The following ANK2 variants were observed in gnomAD, a reference collection of about 807,000 sequenced individuals.
ANK2 encodes the protein ankyrin-2.
ANK2 carries 83 observed loss-of-function variants against 360.5 expected under a neutral mutation model. That is an observed-to-expected ratio of 0.23 (90% CI 0.19 to 0.28). The LOEUF (loss-of-function observed/expected upper bound fraction) is 0.28. Among genes scored for constraint, ANK2 ranks in the 10% least tolerant of loss-of-function variants. The pLI, the probability that ANK2 is intolerant of heterozygous loss-of-function variation, is 1.00. For missense variants in ANK2, 4,201 were observed against 4,795.7 expected (o/e 0.88, Z 3.66); for synonymous variants, 1,740 against 1,759.5 (o/e 0.99, Z 0.28).
At chr4:112,729,584 T>TA in the ANK2 span, among the ~76,000 whole-genome samples, 1 of 151,542 alleles carries the variant, frequency 6.6e-6, no homozygotes, top group African/African-American at 2.4e-5. Flanking sequence ...CTGTCTCTAC[T>TA]AAAAAATACA....
chr4:113,182,491 G>C (rs971593461), intron 2 of ANK2, among the ~76,000 whole-genome samples: 1 of 152,188 alleles, frequency 6.6e-6, no homozygotes, highest in Non-Finnish European at 1.5e-5. Context: ...AGGTTCAGGG[G>C]CTTGGCCCTG....
intron 5 of ANK2, among the ~76,000 whole-genome samples, 178 bp downstream of exon 5, chr4:113,232,437 C>A (rs1002171983): frequency 6.6e-6 from 1 of 152,216 alleles, no homozygotes; most frequent in African/African-American, 2.4e-5. Context: ...AGAGTTCCAT[C>A]AGTTTATGCC....
At chr4:113,290,504 G>C (rs1267940214) in intron 20 of ANK2, among the ~76,000 whole-genome samples, 1 of 152,046 alleles carries the variant, frequency 6.6e-6, no homozygotes, top group African/African-American at 2.4e-5. Flanking sequence ...ATGAAACCCT[G>C]TTATAGCAAC....
intron 4 of ANK2, among the ~76,000 whole-genome samples, chr4:113,202,649 C>A (rs759047568): frequency 6.6e-6 from 1 of 152,140 alleles, no homozygotes. Flanking sequence ...TCTGAAAAAA[C>A]CTTCAAGGAA....
the ANK2 span, among the ~76,000 whole-genome samples, chr4:112,739,375 G>T: frequency 1.0e-3 from 159 of 152,266 alleles, 2 homozygotes; most frequent in South Asian, 3.1e-3. Flanking sequence ...TCAGCACTTT[G>T]GGAGGCTGAG....
At chr4:113,086,986 T>C (rs2085147709) in intron 1 of ANK2, among the ~76,000 whole-genome samples, 1 of 152,098 alleles carries the variant, frequency 6.6e-6, no homozygotes, top group South Asian at 2.1e-4. Flanking sequence ...AGGTATTATG[T>C]TGGGTGATAG....
intron 2 of ANK2, among the ~76,000 whole-genome samples, chr4:112,930,490 G>A (rs2093086232): frequency 1.3e-5 from 2 of 151,482 alleles, no homozygotes; most frequent in South Asian, 4.2e-4. Context: ...GTGTTGTTGA[G>A]GAGTGCTACC....
chr4:113,031,782 A>G (rs1389452601), intron 2 of ANK2, among the ~76,000 whole-genome samples: 1 of 152,056 alleles, frequency 6.6e-6, no homozygotes, highest in African/African-American at 2.4e-5. Context: ...CCTATTATTT[A>G]GTAAATGGAG....
intron 18 of ANK2, 148 bp from the exon 19 acceptor site, chr4:113,287,457 C>A: frequency 1.4e-6 from 1 of 698,562 alleles, no homozygotes; most frequent in South Asian, 1.5e-5. Flanking sequence ...GAGAGTTTGC[C>A]TTGAATATCA....
intron 1 of ANK2, among the ~76,000 whole-genome samples, chr4:113,171,154 G>C (rs901835582): frequency 7.9e-5 from 12 of 152,066 alleles, no homozygotes; most frequent in African/African-American, 2.9e-4. Flanking sequence ...ACTTATACTT[G>C]ATTTTAGAAC....
At chr4:113,131,459 T>C (rs2096028493) in intron 1 of ANK2, among the ~76,000 whole-genome samples, 1 of 152,240 alleles carries the variant, frequency 6.6e-6, no homozygotes. Context: ...ATTTAGGGTC[T>C]ACTCCTTGTT....
chr4:113,110,905 T>C (rs2094219604), intron 1 of ANK2, among the ~76,000 whole-genome samples: 1 of 152,318 alleles, frequency 6.6e-6, no homozygotes, highest in East Asian at 1.9e-4. Flanking sequence ...TGATCTATAG[T>C]TGATTTGGAT....
At chr4:113,294,029 T>G (rs374769289) in intron 22 of ANK2, among the ~76,000 whole-genome samples, 69 of 152,362 alleles carry the variant, frequency 4.5e-4, no homozygotes, top group African/African-American at 1.5e-3. Context: ...CTGATTATTA[T>G]TTTTTAATTC....
At chr4:112,953,927 TTTC>T (rs1347156566) in intron 2 of ANK2, among the ~76,000 whole-genome samples, 22 of 152,172 alleles carry the variant, frequency 1.4e-4, no homozygotes. Flanking sequence ...TATTTATTTA[TTTC>T]TTCTCTGTCT....
intron 1 of ANK2, among the ~76,000 whole-genome samples, chr4:113,148,497 G>C (rs1462883367): frequency 6.6e-6 from 1 of 152,056 alleles, no homozygotes; most frequent in East Asian, 1.9e-4. Flanking sequence ...CCCAATTGTA[G>C]TAGAGATTTT....
intron 1 of ANK2, among the ~76,000 whole-genome samples, chr4:112,864,268 A>G (rs1388897172): frequency 6.6e-6 from 1 of 152,252 alleles, no homozygotes; most frequent in Non-Finnish European, 1.5e-5. Flanking sequence ...ACATTATGAC[A>G]TTTTGGAAAA....
intron 9 of ANK2, among the ~76,000 whole-genome samples, chr4:113,248,424 T>C (rs1431466135): frequency 6.6e-6 from 1 of 152,052 alleles, no homozygotes; most frequent in Non-Finnish European, 1.5e-5. Context: ...AGGTAAACTT[T>C]CGTAAAGACA....
chr4:112,779,803 TG>T, the ANK2 span, among the ~76,000 whole-genome samples: 1 of 152,234 alleles, frequency 6.6e-6, no homozygotes, highest in Non-Finnish European at 1.5e-5. Flanking sequence ...GAAACCTTTA[TG>T]ATAGAGCCTG....
chr4:113,034,388 C>A (rs1423598213), intron 2 of ANK2: 1 of 151,984 alleles, frequency 6.6e-6, no homozygotes, highest in Non-Finnish European at 1.5e-5. Context: ...ACACTGTCTG[C>A]TTTGTGACCA....
Sources: allele counts gnomAD v4.1 joint callset (sites outside exome capture counted in the v4.1 genomes callset), GRCh38; gene constraint gnomAD v4.1.1; transcripts MANE v1.5; gene names NCBI Gene and HGNC (gene_info 2026-07-23, HGNC 2026-07-21).